Variants in FBXO21 observed in about 807,000 individuals in gnomAD.
FBXO21 encodes F-box protein 21.
Under a neutral mutation model 76.6 loss-of-function variants are expected in FBXO21, and 32 were observed. That is an observed-to-expected ratio of 0.42 (90% CI 0.32 to 0.56). The LOEUF (loss-of-function observed/expected upper bound fraction) is 0.56, where lower values mean the gene tolerates loss of function less well. Ranked by LOEUF, FBXO21 falls within the 20% of genes least tolerant of loss-of-function variation. FBXO21 has a pLI of 0.16. For missense variants in FBXO21, 586 were observed against 797.3 expected, an observed-to-expected ratio of 0.73 and a Z score of 3.19; for synonymous variants, 328 against 311.5, an observed-to-expected ratio of 1.05 and a Z score of -0.56.
intron 10 of FBXO21, 32 bp from the exon 11 acceptor site, chr12:117,155,980 G>T (rs754124854): frequency 5.0e-6 from 8 of 1,603,836 alleles, no homozygotes; most frequent in African/African-American, 1.3e-5. Context: ...GTCAGTCCCT[G>T]CAGACCCGGC....
At chr12:117,176,048 T>G (rs1027838653) in intron 4 of FBXO21, among the ~76,000 whole-genome samples, 7 of 152,204 alleles carry the variant, frequency 4.6e-5, no homozygotes, top group Non-Finnish European at 8.8e-5. Flanking sequence ...GAAACAGATG[T>G]TTCATTTCCT....
At position 117,150,931 on chromosome 12, in the gene FBXO21, T is replaced by C. The variant is rs981360810; in HGVS notation, c.1676-4654A>G. 3.2e-4 allele frequency among the ~76,000 whole-genome samples: 33 copies of C among 104,174 alleles called. 1 individual carries two copies. The highest frequency in any genetic ancestry group is 9.9e-4 in the Admixed American group (8 of 8,078). 68.3% of individuals were successfully genotyped at this position (104,174 alleles called of 152,430 possible). The stretch of plus-strand genomic sequence containing the variant: ...GCGGGAGGACTGTATGGGTGGAAAG[T>C]TGAGTTTGGAAGTATCAAATAAGTT... On this transcript the variant is annotated intron_variant, in intron 11 of 11. Coordinates refer to ENST00000622495, the MANE Select transcript of FBXO21 (RefSeq NM_015002.3).
rs957139822 is a variant in FBXO21 at position 117,145,254 on chromosome 12, T to C, written c.*833A>G. 2 of 152,144 alleles carry C rather than the reference T, an allele frequency of 1.3e-5. No homozygotes were observed. Among genetic ancestry groups the C allele is most frequent in the Non-Finnish European group, 2.9e-5 (2 of 67,998 alleles). The allele number at this position is 152,144 out of a possible 1,614,324, so 9.4% of individuals were successfully genotyped here. ...GACCTACTCATGATACTGAAGTAGA[T>C]TTTTTAAATTAAAAAATAAAAGTAG... On this transcript the variant is annotated 3_prime_UTR_variant, in exon 12 of 12. Transcript: ENST00000622495.
intron 7 of FBXO21, among the ~76,000 whole-genome samples, chr12:117,168,600 A>G (rs1406045734): frequency 6.6e-6 from 1 of 152,214 alleles, no homozygotes; most frequent in Non-Finnish European, 1.5e-5. Flanking sequence ...TAAATGTTCT[A>G]GAAACAAGGC....
intron 4 of FBXO21, among the ~76,000 whole-genome samples, chr12:117,175,592 C>T (rs1159575622): frequency 1.3e-5 from 2 of 152,250 alleles, no homozygotes; most frequent in African/African-American, 4.8e-5. Context: ...CAAGACACCT[C>T]GACCCCAGTC....
rs1956284617 is a variant in FBXO21 at position 117,186,472 on chromosome 12, C to A, written c.470+5G>T. On this transcript the variant is annotated splice_donor_5th_base_variant and intron_variant, in intron 3 of 11. Transcript: ENST00000622495. ...AAACAAATCCCTGCTAAAGCTATGG[C>A]TTACCTTCCTTCCATATTTAGGATA... The A allele has an allele frequency of 6.3e-7, 1 of 1,595,596 alleles. No homozygotes were observed. Among genetic ancestry groups the A allele is most frequent in the Non-Finnish European group, 8.6e-7 (1 of 1,164,460 alleles).
rs1198610675 is a variant in FBXO21 at position 117,165,577 on chromosome 12, G to A, written c.1234C>T (p.Leu412=). ...GGGTACATTGCCAGATAGAGATCCA[G>A]CGAGTCTCTCAGGAGCTGGTATGAC... ...DQSYQLLRDS[L]DLYLAMYPDQ... The change falls in exon 9 of 12, where the codon CTG becomes TTG. Residue 412 remains leucine, a synonymous_variant. Transcript: ENST00000622495. 6.2e-7 allele frequency: 1 copy of A among 1,613,754 alleles called. No homozygotes were observed. Among genetic ancestry groups the A allele is most frequent in the Admixed American group, 1.7e-5 (1 of 60,008 alleles).
In FBXO21 at chr12:117,143,729, A is replaced by C. The variant is rs1044651794; in HGVS notation, c.*2358T>G. 7 of 152,678 alleles carry C rather than the reference A, an allele frequency of 4.6e-5. No homozygotes were observed. Among genetic ancestry groups the C allele is most frequent in the African/African-American group, 1.7e-4 (7 of 41,466 alleles). The allele number at this position is 152,678 out of a possible 1,614,324, so 9.5% of individuals were successfully genotyped here. On this transcript the variant is annotated 3_prime_UTR_variant, in exon 12 of 12. Coordinates refer to ENST00000622495, the MANE Select transcript of FBXO21 (RefSeq NM_015002.3). ...AGAGAGGTGAGAGACATTCTACTCAAGTCATGGCTGGGCTTTCTGTCCTCA... is the reference window on the plus strand; with the variant it reads ...AGAGAGGTGAGAGACATTCTACTCACGTCATGGCTGGGCTTTCTGTCCTCA...
rs1956128349 is a variant in FBXO21, at chr12:117,172,554, T to C, written c.930A>G (p.Thr310=). 1.2e-6 allele frequency: 2 copies of C among 1,614,182 alleles called. No individual in the cohort carries two copies. Among genetic ancestry groups the C allele is most frequent in the Non-Finnish European group, 1.7e-6 (2 of 1,180,000 alleles). ...IPISMSLLYL[T]IARQLGVPLE... is the part of the protein sequence containing the mutation. ...GTGGGACTCCCAACTGCCGAGCAAT[T>C]GTCAAATAGAGCAGAGACATGCTGA... is the stretch of plus-strand genomic sequence containing the variant. The change falls in exon 7 of 12, where the codon ACA becomes ACG. Residue 310 remains threonine (T), a synonymous_variant. Transcript: ENST00000622495.
In FBXO21 at chr12:117,190,032, G is replaced by C. The variant is rs553427256; in HGVS notation, c.239+186C>G. On this transcript the variant is annotated intron_variant, in intron 1 of 11. Transcript: ENST00000622495. Reference sequence around the variant, plus strand: ...TCCTAGATGCGCCATTTGGGGACCCGGGGGTCCGCCTGGCGTGGCCCCGCA... The same window carrying C: ...TCCTAGATGCGCCATTTGGGGACCCCGGGGTCCGCCTGGCGTGGCCCCGCA... 2.0e-5 allele frequency among the ~76,000 whole-genome samples: 3 copies of C among 152,140 alleles called. No individual in the cohort carries two copies. In the South Asian group the frequency reaches 6.2e-4, roughly 32 times the overall value.
intron 1 of FBXO21, 114 bp from the exon 2 acceptor site, chr12:117,189,476 C>T (rs1956322757): frequency 9.0e-7 from 1 of 1,115,848 alleles, no homozygotes; most frequent in Non-Finnish European, 1.3e-6. Flanking sequence ...TAAGAGGGAC[C>T]CCGGCGAGAG....
At position 117,174,692 on chromosome 12, in the gene FBXO21, C is replaced by T. The variant is rs964426740; in HGVS notation, c.698G>A (p.Arg233Gln). ...SIVELVCKTL[R>Q]GINSRHPSLA... ...GCTGGGGTGGCGACTGTTTATGCCC[C>T]GAAGGGTTTTGCAAACAAGCTCCAC... The change falls in exon 5 of 12, where the codon CGG (arginine) becomes CAG (glutamine). Residue 233 changes from arginine to glutamine, a missense_variant. By Grantham distance (43) the Arg-to-Gln change is conservative. Around this residue, in one of 6 missense-constraint regions of FBXO21, gnomAD observed 246 missense variants for 356.8 expected, o/e 0.69. Transcript: ENST00000622495. 1.2e-6 allele frequency: 2 copies of T among 1,614,120 alleles called. No homozygotes were observed. Among genetic ancestry groups the T allele is most frequent in the Admixed American group, 1.7e-5 (1 of 60,020 alleles).
intron 11 of FBXO21, among the ~76,000 whole-genome samples, chr12:117,148,757 C>T (rs1314099222): frequency 6.6e-6 from 1 of 152,190 alleles, no homozygotes; most frequent in Non-Finnish European, 1.5e-5. Context: ...AGTCAGGAGA[C>T]AGCAGGCGGG....
rs551518453 is a variant in FBXO21 at position 117,142,653 on chromosome 12, T to C, written c.*3434A>G. 5.6e-5 allele frequency: 8 copies of C among 142,666 alleles called. No individual in the cohort carries two copies. Among genetic ancestry groups the C allele is most frequent in the African/African-American group, 1.8e-4 (7 of 38,580 alleles). The allele number at this position is 142,666 out of a possible 1,614,324, so 8.8% of individuals were successfully genotyped here. On this transcript the variant is annotated 3_prime_UTR_variant, in exon 12 of 12. Coordinates refer to ENST00000622495, the MANE Select transcript of FBXO21 (RefSeq NM_015002.3). ...CATCCAAATTTTGCATTTTGTCCAG[T>C]TGATGTCTCTCCTTCCCTCCAAAAA...
chr12:117,172,748 G>C (rs776858100), intron 6 of FBXO21, 141 bp from the exon 7 acceptor site: 1 of 810,480 alleles, frequency 1.2e-6, no homozygotes, highest in Non-Finnish European at 1.9e-6. Flanking sequence ...CACTTATTTA[G>C]GTCAGGGGTG....
intron 7 of FBXO21, among the ~76,000 whole-genome samples, chr12:117,168,376 T>C (rs1956081252): frequency 6.6e-6 from 1 of 151,936 alleles, no homozygotes; most frequent in South Asian, 2.1e-4. Context: ...ATACAAAAAT[T>C]AGCTGGGCGT....
rs1254744813 is a variant in FBXO21, at chr12:117,174,350, C to T, written c.740-9G>A. 1.2e-6 allele frequency: 2 copies of T among 1,614,002 alleles called. No individual in the cohort carries two copies. Among genetic ancestry groups the T allele is most frequent in the South Asian group, 2.2e-5 (2 of 91,070 alleles). ...TATCATGGATGATTCACCTGAAACA[C>T]AGAGATCTACTCTGGGACCCAAGCA... is the stretch of plus-strand genomic sequence containing the variant. On this transcript the variant is annotated splice_polypyrimidine_tract_variant and intron_variant, in intron 5 of 11. Transcript: ENST00000622495.
intron 3 of FBXO21, among the ~76,000 whole-genome samples, chr12:117,184,060 T>G (rs528832956): frequency 1.3e-5 from 2 of 152,094 alleles, no homozygotes; most frequent in South Asian, 4.1e-4. Context: ...AGTAGCTTTA[T>G]AAGATGGCCT....
At chr12:117,150,958 G>T (rs67180334) in intron 11 of FBXO21, among the ~76,000 whole-genome samples, 7,779 of 24,188 alleles carry the variant, frequency 0.32, 440 homozygotes, top group Non-Finnish European at 0.34. Context: ...AAATAAGTTT[G>T]TGTGTGTGTG....
Sources: gnomAD v4.1 joint callset for allele counts (sites outside exome capture counted in the v4.1 genomes callset) on GRCh38, gnomAD v4.1.1 for gene constraint, gnomAD v4.1.1 regional missense constraint, MANE v1.5 for transcripts, NCBI Gene and HGNC (gene_info 2026-07-23, HGNC 2026-07-21) for gene names.